The following NRXN1 variants were observed in gnomAD, a reference collection of about 807,000 sequenced individuals.
NRXN1 encodes the protein neurexin-1.
Under a neutral mutation model 150.9 loss-of-function variants are expected in NRXN1, and 39 were observed. The ratio of observed to expected loss-of-function variants is 0.26; its 90% confidence interval spans 0.20 to 0.34. The LOEUF (loss-of-function observed/expected upper bound fraction) is 0.34. Ranked by LOEUF, NRXN1 falls within the 10% of genes least tolerant of loss-of-function variation. The pLI is 1.00. For synonymous variants in NRXN1, 924 were observed against 757.0 expected (o/e 1.22, Z -3.62); for missense variants, 1,815 against 1,949.9 (o/e 0.93, Z 1.30).
intron 5 of NRXN1, among the ~76,000 whole-genome samples, chr2:50,863,286 T>G (rs1676401767): frequency 6.6e-6 from 1 of 152,080 alleles, no homozygotes; most frequent in Non-Finnish European, 1.5e-5. Flanking sequence ...GAGCTCTAGT[T>G]TTCTTATGTC....
At chr2:50,684,940 T>A (rs879799127) in intron 5 of NRXN1, among the ~76,000 whole-genome samples, 1 of 152,174 alleles carries the variant, frequency 6.6e-6, no homozygotes, top group Admixed American at 6.5e-5. Flanking sequence ...GAACAGAACA[T>A]GAACCAGAGA....
intron 18 of NRXN1, among the ~76,000 whole-genome samples, chr2:50,188,592 C>T (rs1289500518): frequency 1.3e-5 from 2 of 151,888 alleles, no homozygotes; most frequent in Non-Finnish European, 2.9e-5. Flanking sequence ...AGGTAACCTA[C>T]AGAATGGGAG....
rs202231291 is a variant in NRXN1, at chr2:50,531,237, C to G, written c.2337G>C (p.Thr779=). Residue 779 remains threonine (T), a synonymous_variant, in exon 11 of 23, where the codon ACG becomes ACC. Transcript: ENST00000401669. ...AAGGCAGGTTGTTACCTAGATTGAC[C>G]GTCAGTTTCACACGTCCTGCGTCTA... ...LELDAGRVKL[T]VNLDCIRINC... 4.3e-6 allele frequency: 7 copies of G among 1,612,518 alleles called. No individual in the cohort carries two copies. Among genetic ancestry groups the G allele is most frequent in the Non-Finnish European group, 5.9e-6 (7 of 1,179,310 alleles).
chr2:50,247,281 T>C (rs1299007524), intron 17 of NRXN1, among the ~76,000 whole-genome samples: 4 of 152,090 alleles, frequency 2.6e-5, no homozygotes, highest in African/African-American at 9.7e-5. Flanking sequence ...GGTGATCACA[T>C]GAAAAGGAGC....
chr2:50,193,122 G>C (rs2061549777), intron 18 of NRXN1, among the ~76,000 whole-genome samples: 1 of 152,010 alleles, frequency 6.6e-6, no homozygotes, highest in Non-Finnish European at 1.5e-5. Context: ...TACTTATTCA[G>C]CTGTACCTAA....
intron 17 of NRXN1, among the ~76,000 whole-genome samples, chr2:50,332,359 C>T (rs1423576806): frequency 2.6e-5 from 4 of 152,192 alleles, no homozygotes; most frequent in Non-Finnish European, 5.9e-5. Context: ...AAAAACCACA[C>T]TTTCTGTCCT....
In NRXN1 at chr2:50,448,668, T is replaced by C. The variant is rs192004887; in HGVS notation, c.3364+16774A>G. The stretch of plus-strand genomic sequence containing the variant: ...TACCCTAATAGTTTCATTGCTACTG[T>C]GATACTTATGTGCAGTGATACACTA... On this transcript the variant is annotated intron_variant, in intron 17 of 22. Transcript: ENST00000401669. Among the ~76,000 whole-genome samples, 458 of 152,288 alleles carry C rather than the reference T, an allele frequency of 3.0e-3. 2 individuals are homozygous for C. Among genetic ancestry groups the C allele is most frequent in the African/African-American group, 0.011 (438 of 41,574 alleles).
chr2:50,087,073 G>A (rs1212447301), intron 19 of NRXN1, among the ~76,000 whole-genome samples: 2 of 151,996 alleles, frequency 1.3e-5, no homozygotes, highest in Non-Finnish European at 2.9e-5. Flanking sequence ...AATCTAATTT[G>A]CTACTGATTT....
chr2:50,661,841 G>A (rs1687346646), intron 5 of NRXN1, among the ~76,000 whole-genome samples: 1 of 152,000 alleles, frequency 6.6e-6, no homozygotes, highest in Non-Finnish European at 1.5e-5. Context: ...AAACGCTGTG[G>A]TAGCCGTCTC....
At chr2:50,777,362 T>C (rs1480966959) in intron 5 of NRXN1, among the ~76,000 whole-genome samples, 3 of 152,100 alleles carry the variant, frequency 2.0e-5, no homozygotes, top group Admixed American at 6.6e-5. Context: ...AGCAAACATT[T>C]TGTGGTTAGT....
At chr2:50,308,490 C>T (rs376721933) in intron 17 of NRXN1, among the ~76,000 whole-genome samples, 1 of 151,704 alleles carries the variant, frequency 6.6e-6, no homozygotes, top group Admixed American at 6.6e-5. Flanking sequence ...GCAACTTCCA[C>T]GTAAGTTTTT....
chr2:50,666,014 C>G (rs776479244), intron 5 of NRXN1, among the ~76,000 whole-genome samples: 1 of 151,936 alleles, frequency 6.6e-6, no homozygotes, highest in Middle Eastern at 3.4e-3. Flanking sequence ...ATACCTATCA[C>G]CCCATACATT....
chr2:50,551,071 AGAAGAG>A (rs1425283693), intron 9 of NRXN1, among the ~76,000 whole-genome samples: 61 of 131,008 alleles, frequency 4.7e-4, no homozygotes, highest in South Asian at 1.1e-3. Flanking sequence ...AAGAAGAAGA[AGAAGAG>A]GAGGAGGAGG....
At chr2:50,302,920 TCCATCC>T (rs2074292701) in intron 17 of NRXN1, among the ~76,000 whole-genome samples, 2 of 8,972 alleles carry the variant, frequency 2.2e-4, no homozygotes, top group Non-Finnish European at 4.0e-4. Flanking sequence ...AGGCCATCCA[TCCATCC>T]ATCCATCCAT....
intron 2 of NRXN1, among the ~76,000 whole-genome samples, chr2:51,004,553 G>A (rs968229701): frequency 4.6e-5 from 7 of 151,930 alleles, no homozygotes; most frequent in Non-Finnish European, 8.8e-5. Context: ...TGAGACAGGA[G>A]AATCGCTTGA....
intron 2 of NRXN1, among the ~76,000 whole-genome samples, chr2:51,017,549 G>A (rs1347043586): frequency 2.3e-5 from 2 of 85,112 alleles, no homozygotes; most frequent in African/African-American, 9.9e-5. Flanking sequence ...TAGAAATGAG[G>A]TCTCGCTTTT....
chr2:50,594,206 G>A (rs563419940), intron 8 of NRXN1, among the ~76,000 whole-genome samples: 1 of 152,256 alleles, frequency 6.6e-6, no homozygotes, highest in Admixed American at 6.5e-5. Flanking sequence ...GACTATTACA[G>A]ATATAATTTA....
chr2:50,179,129 T>A (rs2060536581), intron 18 of NRXN1, among the ~76,000 whole-genome samples: 1 of 152,022 alleles, frequency 6.6e-6, no homozygotes, highest in Non-Finnish European at 1.5e-5. Flanking sequence ...GCTTTAGAAA[T>A]AAGTAGGAAA....
intron 5 of NRXN1, among the ~76,000 whole-genome samples, chr2:50,679,128 T>C (rs966846288): frequency 6.6e-6 from 1 of 152,010 alleles, no homozygotes; most frequent in Non-Finnish European, 1.5e-5. Flanking sequence ...GAAGAAGATG[T>C]TACTGTCAGA....
Sources: gnomAD v4.1 joint callset for allele counts (sites outside exome capture counted in the v4.1 genomes callset) on GRCh38, gnomAD v4.1.1 for gene constraint, MANE v1.5 for transcripts, NCBI Gene and HGNC (gene_info 2026-07-23, HGNC 2026-07-21) for gene names.